Variants in ITGB2 observed in about 807,000 individuals in gnomAD.
ITGB2 encodes integrin beta-2.
ITGB2 carries 56 observed loss-of-function variants against 86.8 expected under a neutral mutation model. The ratio of observed to expected loss-of-function variants is 0.65; its 90% CI spans 0.52 to 0.81. The LOEUF is 0.81. Ranked by LOEUF, ITGB2 falls within the 30% of genes least tolerant of loss-of-function variation. The pLI, the probability that ITGB2 is intolerant of heterozygous loss-of-function variation, is 0.00. For missense variants in ITGB2, 948 were observed against 1,061.2 expected, an observed-to-expected ratio of 0.89 and a Z score of 1.48; for synonymous variants, 457 against 450.4, an observed-to-expected ratio of 1.01 and a Z score of -0.19.
chr21:44,888,858 A>C lies in ITGB2; in HGVS notation c.1915T>G (p.Phe639Val). 1 of 1,608,998 alleles carries C rather than the reference A, an allele frequency of 6.2e-7. No individual in the cohort carries two copies. The highest frequency in any genetic ancestry group is 8.5e-7 in the Non-Finnish European group (1 of 1,179,924). ...CACGCCGCGCTGCAGTTCTTCCCAA[A>C]GGGGCCCTTTTCGAACTTCAGGCAC... ...AECLKFEKGP[F>V]GKNCSAACPG... is the part of the protein sequence containing the mutation. The change falls in exon 14 of 16, where the codon TTT (phenylalanine) becomes GTT (valine). Residue 639 changes from phenylalanine to valine, a missense_variant. Coordinates refer to ENST00000652462, the MANE Select transcript of ITGB2 (RefSeq NM_000211.5).
chr21:44,909,682 G>A (rs1568901285), intron 3 of ITGB2, among the ~76,000 whole-genome samples: 1 of 152,162 alleles, frequency 6.6e-6, no homozygotes, highest in Non-Finnish European at 1.5e-5. Context: ...AGACATCATT[G>A]GGACAACCAA....
intron 3 of ITGB2, chr21:44,909,360 A>AC (rs1257168720): frequency 2.0e-5 from 3 of 152,078 alleles, no homozygotes; most frequent in Non-Finnish European, 2.9e-5. Flanking sequence ...TCCAGACAAG[A>AC]CCCCCGAGGG....
chr21:44,908,786 G>A (rs2084084329), intron 3 of ITGB2, among the ~76,000 whole-genome samples: 1 of 152,206 alleles, frequency 6.6e-6, no homozygotes, highest in African/African-American at 2.4e-5. Context: ...AAAACCATCT[G>A]ATTCCAGGCT....
intron 2 of ITGB2, 122 bp downstream of exon 2, chr21:44,910,603 C>T: frequency 2.9e-6 from 4 of 1,387,890 alleles, no homozygotes; most frequent in African/African-American, 1.4e-5. Context: ...GACCTACCCC[C>T]AGTGGCAAGG....
chr21:44,888,601 G>C, intron 14 of ITGB2, 92 bp downstream of exon 14: 1 of 1,417,054 alleles, frequency 7.1e-7, no homozygotes, highest in Non-Finnish European at 9.8e-7. Flanking sequence ...AACACTGGAG[G>C]TGAGATCCTC....
At chr21:44,900,093 A>G (rs966396049) in intron 7 of ITGB2, among the ~76,000 whole-genome samples, 1 of 152,314 alleles carries the variant, frequency 6.6e-6, no homozygotes, top group East Asian at 1.9e-4. Flanking sequence ...GTGTCCCACA[A>G]GGGCGAGGCC....
chr21:44,897,894 G>A (rs924373112), intron 8 of ITGB2, among the ~76,000 whole-genome samples: 3 of 152,320 alleles, frequency 2.0e-5, no homozygotes, highest in East Asian at 1.9e-4. Context: ...TCAGGAGGGC[G>A]TGCAGTGTTT....
chr21:44,888,763 G>T lies in ITGB2; in HGVS notation c.2010C>A (p.Cys670Ter). ...GCTGCTCCAGCGTGTAGGCCACCCA[G>T]CAGCCCTCTGAGTCCCTCTCCTTGC... Reference protein sequence around the residue: ...RTCKERDSEGCWVAYTLEQQD... With the variant: ...RTCKERDSEG Residue 670 changes from cysteine (C) to a stop codon, truncating the protein, a stop_gained, in exon 14 of 16, where the codon TGC becomes TGA. Transcript: ENST00000652462. LOFTEE classifies it high-confidence loss of function. 2 of 1,611,948 alleles carry T rather than the reference G, an allele frequency of 1.2e-6. No homozygotes were observed. The highest frequency in any genetic ancestry group is 1.3e-5 in the African/African-American group (1 of 75,066).
At chr21:44,889,209 C>T (rs1041489493) in intron 13 of ITGB2, 67 bp downstream of exon 13, 45 of 1,516,710 alleles carry the variant, frequency 3.0e-5, no homozygotes, top group South Asian at 2.5e-4. Context: ...CGAGTGAGCC[C>T]GGCTGCTGGG....
chr21:44,910,909 G>T lies in ITGB2; in HGVS notation c.-3-124C>A, dbSNP rs112245103. ...GGCCCTGTCCCTGCTGCAGGGGGTG[G>T]GTTAGGGTCAGGCCAGCACAGCTGC... On this transcript the variant is annotated intron_variant, in intron 1 of 15. Coordinates refer to ENST00000652462, the MANE Select transcript of ITGB2 (RefSeq NM_000211.5). 293 of 979,754 alleles carry T rather than the reference G, an allele frequency of 3.0e-4. No individual in the cohort carries two copies. In the African/African-American group the frequency reaches 4.2e-3, roughly 14 times the overall value. The allele number at this position is 979,754 out of a possible 1,614,324, so 60.7% of individuals were successfully genotyped here.
At chr21:44,910,610 A>G (rs2146546970) in intron 2 of ITGB2, 115 bp downstream of exon 2, 1 of 1,407,096 alleles carries the variant, frequency 7.1e-7, no homozygotes, top group Middle Eastern at 1.8e-4. Flanking sequence ...CCCCAGTGGC[A>G]AGGTCCTTCC....
chr21:44,911,798 C>A (rs2084137948), intron 1 of ITGB2, among the ~76,000 whole-genome samples: 1 of 152,190 alleles, frequency 6.6e-6, no homozygotes. Context: ...GTGCTGGAGG[C>A]CGGCAGCACC....
Position 44,889,413 on chromosome 21 carries a change from C to T in ITGB2, c.1740G>A (p.Glu580=), listed in dbSNP as rs765464239. 3 of 1,611,848 alleles carry T rather than the reference C, an allele frequency of 1.9e-6. No individual in the cohort carries two copies. Among genetic ancestry groups the T allele is most frequent in the Middle Eastern group, 1.6e-4 (1 of 6,082 alleles). Residue 580 remains glutamate (E), a synonymous_variant, in exon 13 of 16, where the codon GAG becomes GAA. Coordinates refer to ENST00000652462, the MANE Select transcript of ITGB2 (RefSeq NM_000211.5). ...CAACACGCCGCGGGTTCAGGCAGCC[C>T]TCAGTGGTCCTCTCGCACTGGCACG... ...GSACQCERTT[E]GCLNPRRVEC...
chr21:44,903,849 T>C (rs1037541313), intron 4 of ITGB2, among the ~76,000 whole-genome samples: 5 of 152,046 alleles, frequency 3.3e-5, no homozygotes, highest in African/African-American at 1.2e-4. Context: ...TGGCAGCGGC[T>C]CACCTGGGCT....
chr21:44,920,165 T>C (rs760454), intron 1 of ITGB2, among the ~76,000 whole-genome samples: 84,954 of 152,044 alleles, frequency 0.56, 26,155 homozygotes, highest in African/African-American at 0.84. Context: ...CCACACTACA[T>C]TACACATGTG....
intron 1 of ITGB2, chr21:44,928,236 G>A (rs1463191905): frequency 6.6e-6 from 1 of 152,248 alleles, no homozygotes; most frequent in East Asian, 1.9e-4. Flanking sequence ...CTGACCGGTA[G>A]CCTTGGCTGG....
At chr21:44,913,604 C>G (rs1027310138) in intron 1 of ITGB2, among the ~76,000 whole-genome samples, 7 of 152,162 alleles carry the variant, frequency 4.6e-5, no homozygotes, top group Admixed American at 4.6e-4. Flanking sequence ...CCCCCCAATG[C>G]CAGTGGCTGA....
rs748422329 is a variant in ITGB2 at position 44,910,661 on chromosome 21, A to G, written c.58+64T>C. On this transcript the variant is annotated intron_variant, in intron 2 of 15. Coordinates refer to ENST00000652462, the MANE Select transcript of ITGB2 (RefSeq NM_000211.5). ...CTTCTGTCTATGGGAAAGTGAGGGC[A>G]GGCCCTGTTCTCCCTGATTGGAATG... 5 of 1,566,870 alleles carry G rather than the reference A, an allele frequency of 3.2e-6. No individual in the cohort carries two copies. In the East Asian group the frequency reaches 6.8e-5, roughly 21 times the overall value.
chr21:44,906,670 C>T (rs906781104), intron 4 of ITGB2, among the ~76,000 whole-genome samples: 1 of 151,984 alleles, frequency 6.6e-6, no homozygotes, highest in Non-Finnish European at 1.5e-5. Flanking sequence ...CGTCGGGCTG[C>T]GAGAGAGTGC....
Sources: allele counts gnomAD v4.1 joint callset (sites outside exome capture counted in the v4.1 genomes callset), GRCh38; gene constraint gnomAD v4.1.1; transcripts MANE v1.5; gene names NCBI Gene and HGNC (gene_info 2026-07-23, HGNC 2026-07-21).